UBXN2B: variants seen among roughly 807,000 people sequenced by gnomAD.
The protein encoded by UBXN2B is UBX domain protein 2B.
Under a neutral mutation model 37.5 loss-of-function variants are expected in UBXN2B, and 19 were observed. The ratio of observed to expected loss-of-function variants is 0.51; its 90% CI spans 0.35 to 0.74. The LOEUF (loss-of-function observed/expected upper bound fraction) is 0.74. Ranked by LOEUF, UBXN2B falls within the 30% of genes least tolerant of loss-of-function variation. The pLI, the probability that UBXN2B is intolerant of heterozygous loss-of-function variation, is 0.01. For synonymous variants in UBXN2B, 145 were observed against 143.8 expected (o/e 1.01, Z -0.06); for missense variants, 370 against 393.2 (o/e 0.94, Z 0.50).
intron 5 of UBXN2B, 29 bp from the exon 6 acceptor site, chr8:58,439,604 T>C (rs1045385451): frequency 1.3e-6 from 2 of 1,587,402 alleles, no homozygotes. Flanking sequence ...GAAAACTTAA[T>C]GATAACTTTT....
At position 58,411,477 on chromosome 8, in the gene UBXN2B, G is replaced by T. The variant is rs1345162146; in HGVS notation, c.84+8G>T. 4.0e-6 allele frequency: 5 copies of T among 1,250,472 alleles called. No individual in the cohort carries two copies. In the African/African-American group the frequency reaches 6.2e-5, roughly 16 times the overall value. The allele number at this position is 1,250,472 out of a possible 1,614,324, so 77.5% of individuals were successfully genotyped here. Reference sequence around the variant, plus strand: ...AGCGCGCGGGATTTGCAGGTGAGGCGAGGAGCCGGGGGAGGGAGCGCGGCG... The same window carrying T: ...AGCGCGCGGGATTTGCAGGTGAGGCTAGGAGCCGGGGGAGGGAGCGCGGCG... On this transcript the variant is annotated splice_region_variant and intron_variant, in intron 1 of 7. Transcript: ENST00000399598.
At chr8:58,443,834 A>G (rs961320137) in intron 6 of UBXN2B, among the ~76,000 whole-genome samples, 16 of 152,040 alleles carry the variant, frequency 1.1e-4, no homozygotes, top group African/African-American at 3.9e-4. Context: ...AAAATAAATT[A>G]ATTAACATAA....
chr8:58,425,541 A>G, intron 2 of UBXN2B: 3 of 1,079,028 alleles, frequency 2.8e-6, no homozygotes, highest in South Asian at 1.3e-5. Flanking sequence ...TTTTATATCT[A>G]TTTTTGTTTT....
At chr8:58,445,548 A>G (rs553503580) in intron 6 of UBXN2B, among the ~76,000 whole-genome samples, 50 of 152,282 alleles carry the variant, frequency 3.3e-4, no homozygotes, top group African/African-American at 1.2e-3. Flanking sequence ...AAAATGATTG[A>G]TGTACTTACT....
At position 58,411,414 on chromosome 8, in the gene UBXN2B, G is replaced by A. The variant is rs1475031050; in HGVS notation, c.29G>A (p.Gly10Asp). Reference sequence around the variant, plus strand: ...GCGGAGGGCGGAGGCCCTGAGCCCGGCGAGCAGGAGAGGAGGTCTTCCGGG... The same window carrying A: ...GCGGAGGGCGGAGGCCCTGAGCCCGACGAGCAGGAGAGGAGGTCTTCCGGG... MAEGGGPEP[G>D]EQERRSSGPR... Residue 10 changes from glycine to aspartate, a missense_variant, in exon 1 of 8, where the codon GGC becomes GAC. Coordinates refer to ENST00000399598, the MANE Select transcript of UBXN2B (RefSeq NM_001077619.2). 7.9e-7 allele frequency: 1 copy of A among 1,270,342 alleles called. No homozygotes were observed. The highest frequency in any genetic ancestry group is 2.8e-5 in the South Asian group (1 of 35,122). 78.7% of individuals were successfully genotyped at this position (1,270,342 alleles called of 1,614,324 possible).
In UBXN2B at chr8:58,445,997, G is replaced by A. The variant is rs777208338; in HGVS notation, c.762G>A (p.Val254=). The A allele has an allele frequency of 1.5e-5, 25 of 1,613,134 alleles. No individual in the cohort carries two copies. The highest frequency in any genetic ancestry group is 3.3e-4 in the Middle Eastern group (2 of 6,064). The change falls in exon 7 of 8, where the codon GTG becomes GTA. Residue 254 remains valine (V), a synonymous_variant. Transcript: ENST00000399598. The part of the protein sequence containing the change: ...LNAVVLIDDS[V]PTTKIQIRLA... ...CAGTTGTTCTTATTGATGATTCAGT[G>A]CCAACAACAAAAATTCAAATCAGGT...
Position 58,430,672 on chromosome 8 carries a change from C to G in UBXN2B, c.339+3C>G, listed in dbSNP as rs761620503. The G allele has an allele frequency of 4.6e-5, 71 of 1,527,574 alleles. No homozygotes were observed. The highest frequency in any genetic ancestry group is 2.2e-4 in the Admixed American group (11 of 49,242). 94.6% of individuals were successfully genotyped at this position (1,527,574 alleles called of 1,614,324 possible). A position where few individuals can be genotyped will look rare whatever the true frequency, so the allele number is the denominator to read the frequency against. On this transcript the variant is annotated splice_donor_region_variant and intron_variant, in intron 3 of 7. Transcript: ENST00000399598. The stretch of plus-strand genomic sequence containing the variant: ...CTTCAGGTGATGATAAATCTAAGGT[C>G]AGTGCTCAATTTTAAACTAAATACA...
At chr8:58,428,955 C>G (rs143162858) in intron 2 of UBXN2B, among the ~76,000 whole-genome samples, 94 of 152,250 alleles carry the variant, frequency 6.2e-4, no homozygotes, top group African/African-American at 2.3e-3. Context: ...CACCTATAAA[C>G]GTCAGTTCCA....
chr8:58,415,719 A>C (rs1446507771), intron 1 of UBXN2B, among the ~76,000 whole-genome samples: 6 of 152,088 alleles, frequency 3.9e-5, no homozygotes, highest in African/African-American at 1.4e-4. Flanking sequence ...AATTTGCCCA[A>C]GATCACACAG....
chr8:58,423,580 C>T (rs1332996832), intron 2 of UBXN2B, among the ~76,000 whole-genome samples: 10 of 151,796 alleles, frequency 6.6e-5, no homozygotes, highest in Non-Finnish European at 8.8e-5. Context: ...GGACTACAGG[C>T]GCCCGCCACC....
intron 2 of UBXN2B, among the ~76,000 whole-genome samples, chr8:58,420,052 A>C (rs927206877): frequency 6.6e-6 from 1 of 152,244 alleles, no homozygotes; most frequent in Non-Finnish European, 1.5e-5. Context: ...CCCTGTGTAG[A>C]AGGCAGTGGA....
chr8:58,431,152 C>T (rs1358107490), intron 3 of UBXN2B, among the ~76,000 whole-genome samples: 16 of 152,204 alleles, frequency 1.1e-4, no homozygotes, highest in Non-Finnish European at 1.5e-4. Context: ...CTAGCCAATA[C>T]CAGTCGGGTT....
intron 2 of UBXN2B, among the ~76,000 whole-genome samples, chr8:58,418,241 C>CAA (rs56073006): frequency 0.013 from 1,460 of 108,848 alleles, 15 homozygotes; most frequent in African/African-American, 0.029. Flanking sequence ...ACTCTGTCTC[C>CAA]AAAAAAAAAA....
At chr8:58,445,828 T>C (rs1808652687) in intron 6 of UBXN2B, 79 bp from the exon 7 acceptor site, 2 of 1,245,596 alleles carry the variant, frequency 1.6e-6, no homozygotes, top group Admixed American at 6.5e-5. Flanking sequence ...AATGAAGCCA[T>C]GTTCTAAGTG....
intron 6 of UBXN2B, among the ~76,000 whole-genome samples, chr8:58,440,866 C>T (rs1808520595): frequency 6.6e-6 from 1 of 152,134 alleles, no homozygotes; most frequent in African/African-American, 2.4e-5. Context: ...GCACTGGGGA[C>T]ATAAAGGAAA....
intron 5 of UBXN2B, among the ~76,000 whole-genome samples, chr8:58,435,261 G>T (rs1309484954): frequency 6.6e-6 from 1 of 152,178 alleles, no homozygotes; most frequent in Non-Finnish European, 1.5e-5. Context: ...ATAGAAGGTG[G>T]AACATTTCCA....
intron 6 of UBXN2B, among the ~76,000 whole-genome samples, chr8:58,440,670 C>T (rs1808517106): frequency 6.6e-6 from 1 of 151,762 alleles, no homozygotes; most frequent in African/African-American, 2.4e-5. Flanking sequence ...CCAGTGTATT[C>T]TTTGGTGCAT....
intron 6 of UBXN2B, among the ~76,000 whole-genome samples, chr8:58,445,444 G>C (rs1393904527): frequency 6.6e-6 from 1 of 152,168 alleles, no homozygotes; most frequent in Non-Finnish European, 1.5e-5. Flanking sequence ...TTGAAACACT[G>C]TGTTCTAGGC....
At position 58,434,532 on chromosome 8, in the gene UBXN2B, G is replaced by C. The variant is rs117723461; in HGVS notation, c.533+28G>C. 3 of 1,450,202 alleles carry C rather than the reference G, an allele frequency of 2.1e-6. No homozygotes were observed. The African/African-American group carries it at 4.3e-5, about 21-fold the overall frequency. The allele number at this position is 1,450,202 out of a possible 1,614,324, so 89.8% of individuals were successfully genotyped here. On this transcript the variant is annotated intron_variant, in intron 5 of 7. Coordinates refer to ENST00000399598, the MANE Select transcript of UBXN2B (RefSeq NM_001077619.2). ...AAGATGTATTATTTGTATTCTATTT[G>C]TTATGTAGAGTGGGACTTATTTTCT...
Sources: allele counts gnomAD v4.1 joint callset (sites outside exome capture counted in the v4.1 genomes callset), GRCh38; gene constraint gnomAD v4.1.1; transcripts MANE v1.5; gene names NCBI Gene and HGNC (gene_info 2026-07-23, HGNC 2026-07-21).